The following DCT variants were observed in gnomAD, a reference collection of about 807,000 sequenced individuals.
The protein encoded by DCT is L-dopachrome tautomerase.
DCT carries 47 observed loss-of-function variants against 53.0 expected under a neutral mutation model. That is an observed-to-expected ratio of 0.89 (90% CI 0.70 to 1.13). The LOEUF (loss-of-function observed/expected upper bound fraction) is 1.13, where lower values mean the gene tolerates loss of function less well. Ranked by LOEUF, DCT falls within the 50% of genes most tolerant of loss-of-function variation. The pLI, the probability that DCT is intolerant of heterozygous loss-of-function variation, is 0.00. For missense variants in DCT, 669 were observed against 637.4 expected (o/e 1.05, Z -0.53); for synonymous variants, 244 against 237.0 (o/e 1.03, Z -0.27).
chr13:94,458,561 T>C (rs1594294407), intron 6 of DCT, among the ~76,000 whole-genome samples: 1 of 152,084 alleles, frequency 6.6e-6, no homozygotes, highest in East Asian at 1.9e-4. Flanking sequence ...CCCAGGACTT[T>C]GGGAGGCTGA....
At chr13:94,489,069 T>G in the DCT span, among the ~76,000 whole-genome samples, 1,402 of 152,180 alleles carry the variant, frequency 9.2e-3, 24 homozygotes, top group African/African-American at 0.031. Flanking sequence ...ACTGGTTGAG[T>G]GCTGTCTGTG....
chr13:94,469,802 C>T (rs1303980396), intron 1 of DCT, among the ~76,000 whole-genome samples: 1 of 152,160 alleles, frequency 6.6e-6, no homozygotes, highest in Non-Finnish European at 1.5e-5. Flanking sequence ...TGGCTTGGCC[C>T]GGTGGCTCAC....
chr13:94,516,594 G>A, the DCT span, among the ~76,000 whole-genome samples: 3 of 152,030 alleles, frequency 2.0e-5, no homozygotes, highest in Admixed American at 6.6e-5. Context: ...GTCTTTAAGA[G>A]GTTGTCAGGT....
chr13:94,442,815 G>A (rs367701612), intron 7 of DCT, among the ~76,000 whole-genome samples: 1 of 152,182 alleles, frequency 6.6e-6, no homozygotes, highest in African/African-American at 2.4e-5. Context: ...GTTATAAGAC[G>A]ATGTGGGTAT....
chr13:94,437,389 A>G lies in DCT; in HGVS notation c.*2509T>C, dbSNP rs1374129069. Reference sequence around the variant, plus strand: ...AATGAGATTAAAACTAGTCATTAAAAGTATTATAATTAACAATGTTAAATC... The same window carrying G: ...AATGAGATTAAAACTAGTCATTAAAGGTATTATAATTAACAATGTTAAATC... On this transcript the variant is annotated 3_prime_UTR_variant, in exon 8 of 8. Coordinates refer to ENST00000377028, the MANE Select transcript of DCT (RefSeq NM_001922.5). 2.0e-5 allele frequency: 3 copies of G among 152,236 alleles called. No individual in the cohort carries two copies. The allele number at this position is 152,236 out of a possible 1,614,324, so 9.4% of individuals were successfully genotyped here. A position where few individuals can be genotyped will look rare whatever the true frequency, so the allele number is the denominator to read the frequency against.
the DCT span, among the ~76,000 whole-genome samples, chr13:94,530,477 G>A: frequency 2.0e-5 from 3 of 152,116 alleles, no homozygotes; most frequent in Non-Finnish European, 4.4e-5. Flanking sequence ...ATGCAAGTCT[G>A]GTTCAACATA....
Position 94,438,846 on chromosome 13 carries a change from C to A in DCT, c.*1052G>T. ...TTAATTGATCAGCATTCATAAGTAA[C>A]TGTGAGTATTCGGCAACATTAATCA... On this transcript the variant is annotated 3_prime_UTR_variant, in exon 8 of 8. Transcript: ENST00000377028. The A allele has an allele frequency of 3.2e-6, 1 of 315,774 alleles. No homozygotes were observed. Among genetic ancestry groups the A allele is most frequent in the Non-Finnish European group, 6.3e-6 (1 of 159,610 alleles). 19.6% of individuals were successfully genotyped at this position (315,774 alleles called of 1,614,324 possible).
At chr13:94,478,157 G>A (rs1014621851) in intron 1 of DCT, among the ~76,000 whole-genome samples, 17 of 61,064 alleles carry the variant, frequency 2.8e-4, no homozygotes, top group South Asian at 5.2e-4. Flanking sequence ...CCCCCCGCCC[G>A]CCCCCCCCAC....
the DCT span, among the ~76,000 whole-genome samples, chr13:94,534,598 T>C: frequency 6.6e-6 from 1 of 152,246 alleles, no homozygotes; most frequent in Non-Finnish European, 1.5e-5. Context: ...AGAGTGGCCA[T>C]AGGCTTTCAG....
intron 6 of DCT, among the ~76,000 whole-genome samples, chr13:94,459,381 G>T (rs1346044237): frequency 6.6e-6 from 1 of 152,124 alleles, no homozygotes; most frequent in African/African-American, 2.4e-5. Context: ...TAATGCCATC[G>T]GTGAAGGCAT....
intron 6 of DCT, among the ~76,000 whole-genome samples, chr13:94,448,031 T>C (rs1882843113): frequency 6.6e-6 from 1 of 152,080 alleles, no homozygotes; most frequent in African/African-American, 2.4e-5. Flanking sequence ...GAGGATCACA[T>C]GAGCCCAGGA....
At chr13:94,520,305 A>G in the DCT span, among the ~76,000 whole-genome samples, 1 of 152,220 alleles carries the variant, frequency 6.6e-6, no homozygotes, top group African/African-American at 2.4e-5. Flanking sequence ...TTAGCTGCCC[A>G]CAATTCATAA....
chr13:94,547,889 C>T, the DCT span, among the ~76,000 whole-genome samples: 1 of 144,816 alleles, frequency 6.9e-6, no homozygotes, highest in African/African-American at 2.6e-5. Context: ...ACTCGAGAGG[C>T]TGAGGCAGGA....
At position 94,479,209 on chromosome 13, in the gene DCT, T is replaced by C. The variant is rs1885312708; in HGVS notation, c.47A>G (p.Lys16Arg). The change falls in exon 1 of 8, where the codon AAA becomes AGA. Residue 16 changes from lysine (K) to arginine (R), a missense_variant. Lys to Arg is a conservative substitution (Grantham distance 26). Transcript: ENST00000377028. ...CTGACCCTGGGCTCCTGGCAGGATT[T>C]TGCAGCCCAAGCAACTGAGCAGAAA... ...WGFLLSCLGCKILPGAQGQFP... is the reference protein window; with the variant it reads ...WGFLLSCLGCRILPGAQGQFP... The C allele has an allele frequency of 6.2e-7, 1 of 1,607,628 alleles. No homozygotes were observed. The highest frequency in any genetic ancestry group is 8.5e-7 in the Non-Finnish European group (1 of 1,174,674).
chr13:94,511,406 C>T, the DCT span, among the ~76,000 whole-genome samples: 1 of 150,022 alleles, frequency 6.7e-6, no homozygotes, highest in Non-Finnish European at 1.5e-5. Flanking sequence ...GTCACCCAGG[C>T]TGCAGTGCAG....
At position 94,437,051 on chromosome 13, in the gene DCT, G is replaced by T. The variant is rs2139256304; in HGVS notation, c.*2847C>A. On this transcript the variant is annotated 3_prime_UTR_variant, in exon 8 of 8. Transcript: ENST00000377028. Reference sequence around the variant, plus strand: ...CCCAGGATTAGTCACTAAACTGTGGGGAATATCAAAAGTAACTTCACCTGA... The same window carrying T: ...CCCAGGATTAGTCACTAAACTGTGGTGAATATCAAAAGTAACTTCACCTGA... 1 of 59,390 alleles carries T rather than the reference G, an allele frequency of 1.7e-5. No individual in the cohort carries two copies. The highest frequency in any genetic ancestry group is 7.5e-5 in the African/African-American group (1 of 13,332). 3.7% of individuals were successfully genotyped at this position (59,390 alleles called of 1,614,324 possible). A position where few individuals can be genotyped will look rare whatever the true frequency, so the allele number is the denominator to read the frequency against.
intron 6 of DCT, among the ~76,000 whole-genome samples, chr13:94,448,784 A>G (rs1249438311): frequency 6.6e-6 from 1 of 151,964 alleles, no homozygotes; most frequent in Non-Finnish European, 1.5e-5. Context: ...TGCACCTGTG[A>G]TCCCAGCTAT....
At position 94,440,677 on chromosome 13, in the gene DCT, T is replaced by TG. The variant is rs1491141769; in HGVS notation, c.1382-602_1382-601insC. Among the ~76,000 whole-genome samples the TG allele has an allele frequency of 3.7e-4, 3 of 8,186 alleles. No homozygotes were observed. In the African/African-American group the frequency reaches 3.9e-3, roughly 11 times the overall value. 5.4% of individuals were successfully genotyped at this position (8,186 alleles called of 152,430 possible). On this transcript the variant is annotated intron_variant, in intron 7 of 7. Transcript: ENST00000377028. ...AAAATTAGTGGATTTCATTTTTTGGTTTTTTTTTTTTTTTTTTTTTTTAGA... is the reference window on the plus strand; with the variant it reads ...AAAATTAGTGGATTTCATTTTTTGGTGTTTTTTTTTTTTTTTTTTTTTTAGA...
chr13:94,491,001 G>A, the DCT span, among the ~76,000 whole-genome samples: 1 of 152,204 alleles, frequency 6.6e-6, no homozygotes, highest in Non-Finnish European at 1.5e-5. Context: ...AGAAGAGTAT[G>A]TAATAATGGA....
Sources: gnomAD v4.1 joint callset for allele counts (sites outside exome capture counted in the v4.1 genomes callset) on GRCh38, gnomAD v4.1.1 for gene constraint, MANE v1.5 for transcripts, NCBI Gene and HGNC (gene_info 2026-07-23, HGNC 2026-07-21) for gene names.